Variants in PSMA5 observed in about 807,000 individuals in gnomAD.
PSMA5 encodes the protein proteasome subunit alpha type-5.
In PSMA5, 3 loss-of-function variants were observed where a neutral mutation model predicts 34.5. The observed-to-expected ratio is 0.09, with a 90% CI of 0.04 to 0.22. PSMA5 has a LOEUF of 0.22. Among genes scored for constraint, PSMA5 ranks in the 10% least tolerant of loss-of-function variants. The pLI is 1.00. For missense variants in PSMA5, 120 were observed against 286.1 expected (o/e 0.42, Z 4.19); for synonymous variants, 88 against 95.8 (o/e 0.92, Z 0.47).
At chr1:109,420,004 G>C (rs1438934732) in intron 2 of PSMA5, among the ~76,000 whole-genome samples, 1 of 151,364 alleles carries the variant, frequency 6.6e-6, no homozygotes, top group East Asian at 1.9e-4. Flanking sequence ...TCCTTAATAG[G>C]ACACTTAATT....
chr1:109,416,830 C>A (rs528549355), intron 2 of PSMA5, among the ~76,000 whole-genome samples: 83 of 152,258 alleles, frequency 5.5e-4, no homozygotes, highest in African/African-American at 1.9e-3. Flanking sequence ...TCAGGTTGGG[C>A]ATGGTGGCTC....
Sources: gnomAD v4.1 joint callset for allele counts (sites outside exome capture counted in the v4.1 genomes callset) on GRCh38, gnomAD v4.1.1 for gene constraint, MANE v1.5 for transcripts, NCBI Gene and HGNC (gene_info 2026-07-23, HGNC 2026-07-21) for gene names.